Variants in ITPK1 observed in about 807,000 individuals in gnomAD.
ITPK1 encodes the protein inositol 1,3,4-trisphosphate 5/6-kinase.
A neutral mutation model predicts 45.3 loss-of-function variants in ITPK1; 21 were observed. The ratio of observed to expected loss-of-function variants is 0.46; its 90% CI spans 0.33 to 0.67. The LOEUF is 0.67. Among genes scored for constraint, ITPK1 ranks in the 30% least tolerant of loss-of-function variants. The pLI, the probability that ITPK1 is intolerant of heterozygous loss-of-function variation, is 0.02. For synonymous variants in ITPK1, 258 were observed against 253.6 expected (o/e 1.02, Z -0.16); for missense variants, 474 against 573.5 (o/e 0.83, Z 1.77).
intron 3 of ITPK1, among the ~76,000 whole-genome samples, chr14:93,061,855 C>T (rs1890538019): frequency 6.6e-6 from 1 of 152,202 alleles, no homozygotes; most frequent in Non-Finnish European, 1.5e-5. Flanking sequence ...ACTTCAGTTA[C>T]AATCAGATAA....
At chr14:93,018,901 G>A (rs1390683737) in intron 3 of ITPK1, among the ~76,000 whole-genome samples, 19 of 152,184 alleles carry the variant, frequency 1.2e-4, no homozygotes, top group East Asian at 3.9e-4. Context: ...TGAGCAGCCC[G>A]CTGACCTGGG....
intron 3 of ITPK1, among the ~76,000 whole-genome samples, chr14:93,048,510 T>C (rs1300367284): frequency 2.0e-5 from 3 of 152,214 alleles, no homozygotes; most frequent in Non-Finnish European, 2.9e-5. Context: ...TATTCTGCCA[T>C]GCTCGCCATG....
intron 2 of ITPK1, among the ~76,000 whole-genome samples, chr14:93,088,638 G>A (rs560636998): frequency 6.6e-6 from 1 of 152,220 alleles, no homozygotes; most frequent in African/African-American, 2.4e-5. Context: ...TTACAGGCAT[G>A]AGCCTCTGCA....
intron 4 of ITPK1, among the ~76,000 whole-genome samples, chr14:93,001,433 G>A (rs756713256): frequency 1.4e-4 from 22 of 152,106 alleles, no homozygotes; most frequent in African/African-American, 4.8e-4. Flanking sequence ...GCACAATTCC[G>A]TCACCTCCCC....
At chr14:92,967,819 T>A (rs1885453714) in intron 5 of ITPK1, among the ~76,000 whole-genome samples, 1 of 152,194 alleles carries the variant, frequency 6.6e-6, no homozygotes, top group Non-Finnish European at 1.5e-5. Context: ...GACCACATAC[T>A]GTAAGATTCC....
intron 5 of ITPK1, among the ~76,000 whole-genome samples, chr14:92,967,899 T>A (rs144759784): frequency 1.3e-5 from 2 of 152,244 alleles, no homozygotes; most frequent in East Asian, 3.9e-4. Context: ...TGACAGGAGC[T>A]GGGGAAGGAA....
chr14:92,946,902 G>A (rs1887718449), intron 9 of ITPK1, among the ~76,000 whole-genome samples: 1 of 152,050 alleles, frequency 6.6e-6, no homozygotes, highest in African/African-American at 2.4e-5. Context: ...GTGTGTCAGG[G>A]ACCCGGGAAG....
intron 5 of ITPK1, among the ~76,000 whole-genome samples, chr14:92,992,721 G>C (rs76464128): frequency 0.02 from 2,998 of 152,340 alleles, 110 homozygotes; most frequent in African/African-American, 0.068. Context: ...CCATGGACAT[G>C]AAAGTCAAGC....
At chr14:93,065,223 T>A (rs1890697122) in intron 3 of ITPK1, among the ~76,000 whole-genome samples, 1 of 152,146 alleles carries the variant, frequency 6.6e-6, no homozygotes, top group Non-Finnish European at 1.5e-5. Flanking sequence ...CAAACAGACA[T>A]AACTTATGCT....
At chr14:92,997,628 G>A (rs1887124119) in intron 4 of ITPK1, among the ~76,000 whole-genome samples, 1 of 152,186 alleles carries the variant, frequency 6.6e-6, no homozygotes, top group Non-Finnish European at 1.5e-5. Context: ...CTGGGTGGGT[G>A]AGCTTCCGTA....
chr14:92,948,205 G>C (rs777387036), intron 9 of ITPK1, among the ~76,000 whole-genome samples: 20 of 152,140 alleles, frequency 1.3e-4, no homozygotes, highest in Non-Finnish European at 2.4e-4. Context: ...GAAATGGGGA[G>C]TGAGTGCCGG....
intron 9 of ITPK1, among the ~76,000 whole-genome samples, chr14:92,950,551 C>T (rs1056051111): frequency 3.3e-5 from 5 of 152,246 alleles, no homozygotes; most frequent in Non-Finnish European, 5.9e-5. Flanking sequence ...CCTGCAGTGT[C>T]TCTAGGCTGA....
At chr14:93,030,997 A>T (rs1851715570) in intron 3 of ITPK1, among the ~76,000 whole-genome samples, 1 of 152,200 alleles carries the variant, frequency 6.6e-6, no homozygotes, top group African/African-American at 2.4e-5. Context: ...CCCAGCAGGG[A>T]GAGATGGCTG....
intron 7 of ITPK1, among the ~76,000 whole-genome samples, chr14:92,959,308 A>G (rs1321194547): frequency 6.6e-6 from 1 of 152,238 alleles, no homozygotes; most frequent in East Asian, 1.9e-4. Flanking sequence ...AGGAGCCACC[A>G]GACGGCTGGG....
chr14:93,042,527 C>T (rs1049639472), intron 3 of ITPK1, among the ~76,000 whole-genome samples: 1 of 152,174 alleles, frequency 6.6e-6, no homozygotes, highest in African/African-American at 2.4e-5. Flanking sequence ...AGCGACAGGG[C>T]TGGGAACTGG....
chr14:92,964,989 A>T (rs1466827476), intron 5 of ITPK1, among the ~76,000 whole-genome samples: 1 of 152,188 alleles, frequency 6.6e-6, no homozygotes, highest in Non-Finnish European at 1.5e-5. Flanking sequence ...TGAGAATTTT[A>T]CAGATGAGGA....
At chr14:93,075,593 G>A (rs535585513) in intron 3 of ITPK1, among the ~76,000 whole-genome samples, 10 of 152,292 alleles carry the variant, frequency 6.6e-5, no homozygotes, top group Admixed American at 2.6e-4. Context: ...CAGGAGCAGG[G>A]GAAACCTGGG....
At chr14:93,030,147 G>A (rs1888960647) in intron 3 of ITPK1, among the ~76,000 whole-genome samples, 1 of 152,246 alleles carries the variant, frequency 6.6e-6, no homozygotes, top group African/African-American at 2.4e-5. Flanking sequence ...GAGGGTGTGA[G>A]AGCGGCACCC....
chr14:92,946,224 A>C (rs1350248425), intron 10 of ITPK1, 107 bp downstream of exon 10: 2 of 1,309,766 alleles, frequency 1.5e-6, no homozygotes, highest in East Asian at 4.6e-5. Context: ...CCTCGTGGTG[A>C]GGGAGAAAGC....
Sources: allele counts gnomAD v4.1 joint callset (sites outside exome capture counted in the v4.1 genomes callset), GRCh38; gene constraint gnomAD v4.1.1; transcripts MANE v1.5; gene names NCBI Gene and HGNC (gene_info 2026-07-23, HGNC 2026-07-21).